MYZAP: variants seen among roughly 807,000 people sequenced by gnomAD.
The protein encoded by MYZAP is myocardial zonula adherens protein, also known as GRINL1A complex locus upstream.
Under a neutral mutation model 69.4 loss-of-function variants are expected in MYZAP, and 66 were observed. That is an observed-to-expected ratio of 0.95 (90% confidence interval 0.78 to 1.17). The LOEUF (loss-of-function observed/expected upper bound fraction) is 1.17. Among genes scored for constraint, MYZAP ranks in the 50% most tolerant of loss-of-function variants. The pLI is 0.00. For synonymous variants in MYZAP, 256 were observed against 205.9 expected (o/e 1.24, Z -2.09); for missense variants, 611 against 556.2 (o/e 1.10, Z -0.99).
intron 2 of MYZAP, among the ~76,000 whole-genome samples, chr15:57,607,075 A>T (rs1487861329): frequency 6.6e-6 from 1 of 152,188 alleles, no homozygotes; most frequent in African/African-American, 2.4e-5. Flanking sequence ...GGTCCAAGAC[A>T]TGGGTCTGGG....
chr15:57,664,452 G>C (rs1449261393), intron 11 of MYZAP, among the ~76,000 whole-genome samples: 1 of 152,168 alleles, frequency 6.6e-6, no homozygotes, highest in Admixed American at 6.5e-5. Flanking sequence ...CAGACTAGCT[G>C]ATCATTTACA....
chr15:57,667,249 A>G (rs944497032), intron 11 of MYZAP, among the ~76,000 whole-genome samples: 2 of 152,216 alleles, frequency 1.3e-5, no homozygotes, highest in Non-Finnish European at 2.9e-5. Flanking sequence ...TATGGAACAC[A>G]CATTCAGTGT....
Position 57,604,133 on chromosome 15 carries a change from C to T in MYZAP, c.76-136C>T, listed in dbSNP as rs1595854919. 4 of 928,024 alleles carry T rather than the reference C, an allele frequency of 4.3e-6. No individual in the cohort carries two copies. In the East Asian group the frequency reaches 7.5e-5, roughly 17 times the overall value. The allele number at this position is 928,024 out of a possible 1,614,324, so 57.5% of individuals were successfully genotyped here. On this transcript the variant is annotated intron_variant, in intron 1 of 12. Coordinates refer to ENST00000267853, the MANE Select transcript of MYZAP (RefSeq NM_001018100.5). ...GAAGGTAAGGCTGGCCTTATCTCCT[C>T]TATGGCTCCTGTATGATCAGGACAG... is the stretch of plus-strand genomic sequence containing the variant.
chr15:57,635,727 C>T (rs1342839003), intron 8 of MYZAP, among the ~76,000 whole-genome samples: 7 of 152,208 alleles, frequency 4.6e-5, no homozygotes, highest in Non-Finnish European at 8.8e-5. Context: ...CTGGCCAAAT[C>T]GCTGTCTCAC....
At chr15:57,663,350 C>A (rs2038405679) in intron 11 of MYZAP, among the ~76,000 whole-genome samples, 1 of 152,162 alleles carries the variant, frequency 6.6e-6, no homozygotes, top group South Asian at 2.1e-4. Flanking sequence ...TCATGTCTCA[C>A]CTTAGTTTGG....
At chr15:57,645,545 A>C (rs187226437) in intron 10 of MYZAP, among the ~76,000 whole-genome samples, 1 of 152,350 alleles carries the variant, frequency 6.6e-6, no homozygotes, top group Admixed American at 6.5e-5. Context: ...AATAGTATCT[A>C]CCCAATTTTT....
At chr15:57,597,534 G>A (rs1325207287) in intron 1 of MYZAP, among the ~76,000 whole-genome samples, 4 of 152,110 alleles carry the variant, frequency 2.6e-5, no homozygotes, top group Non-Finnish European at 4.4e-5. Context: ...GGCAGGGAGG[G>A]GGAGTCCTCG....
At chr15:57,620,443 G>T (rs1188101398) in intron 3 of MYZAP, among the ~76,000 whole-genome samples, 1 of 152,146 alleles carries the variant, frequency 6.6e-6, no homozygotes, top group Middle Eastern at 3.2e-3. Flanking sequence ...CCTATTTGAG[G>T]GTTCCTGAGT....
chr15:57,657,513 G>C (rs1256214256), intron 10 of MYZAP, among the ~76,000 whole-genome samples: 3 of 151,892 alleles, frequency 2.0e-5, no homozygotes, highest in African/African-American at 7.3e-5. Flanking sequence ...ATCCCTTGAG[G>C]CTTTTTGTAA....
intron 12 of MYZAP, among the ~76,000 whole-genome samples, chr15:57,676,640 G>A (rs974672093): frequency 4.8e-4 from 73 of 151,696 alleles, no homozygotes; most frequent in Middle Eastern, 6.8e-3. Flanking sequence ...CACTCTAATT[G>A]CCCACATAAT....
intron 1 of MYZAP, among the ~76,000 whole-genome samples, chr15:57,601,018 C>T (rs2034376726): frequency 1.3e-5 from 2 of 152,236 alleles, no homozygotes; most frequent in African/African-American, 2.4e-5. Flanking sequence ...ATTGAGGCTG[C>T]AGTGCTATGA....
At chr15:57,600,974 G>A (rs1394021496) in intron 1 of MYZAP, among the ~76,000 whole-genome samples, 1 of 152,016 alleles carries the variant, frequency 6.6e-6, no homozygotes, top group African/African-American at 2.4e-5. Context: ...GCTATTTAGG[G>A]GCCTGAGGTC....
At position 57,593,214 on chromosome 15, in the gene MYZAP, A is replaced by ACACC. The variant is rs1172761785; in HGVS notation, c.75+1106_75+1107insACCC. Reference sequence around the variant, plus strand: ...CACACACACACACACACACACACACACCCCAGAATCCATCAGTTGGCTCAT... The same window carrying ACACC: ...CACACACACACACACACACACACACACACCCCCCAGAATCCATCAGTTGGCTCAT... On this transcript the variant is annotated intron_variant, in intron 1 of 12. Transcript: ENST00000267853. Among the ~76,000 whole-genome samples, 690 of 141,430 alleles carry ACACC rather than the reference A, an allele frequency of 4.9e-3. 22 individuals carry two copies. The highest frequency in any genetic ancestry group is 0.017 in the African/African-American group (603 of 35,868). The allele number at this position is 141,430 out of a possible 152,430, so 92.8% of individuals were successfully genotyped here.
At chr15:57,641,424 A>C (rs2037150691) in intron 10 of MYZAP, among the ~76,000 whole-genome samples, 1 of 152,164 alleles carries the variant, frequency 6.6e-6, no homozygotes, top group East Asian at 1.9e-4. Context: ...ATACATATGT[A>C]TATGTGTGTG....
At chr15:57,670,518 T>A (rs1484109799) in intron 11 of MYZAP, among the ~76,000 whole-genome samples, 3 of 152,090 alleles carry the variant, frequency 2.0e-5, no homozygotes, top group African/African-American at 7.2e-5. Flanking sequence ...AGTTGGGACT[T>A]GCTTTTTTAT....
rs2039600998 is a variant in MYZAP at position 57,684,542 on chromosome 15, G to T, written c.*44G>T. On this transcript the variant is annotated 3_prime_UTR_variant, in exon 13 of 13. Transcript: ENST00000267853. The stretch of plus-strand genomic sequence containing the variant: ...TTTTTACAGATGGACAAAAGCTCTG[G>T]AACCCTGTGGCTTCAAATCCTTTGG... 1.6e-6 allele frequency: 2 copies of T among 1,267,582 alleles called. No individual in the cohort carries two copies. Among genetic ancestry groups the T allele is most frequent in the African/African-American group, 1.5e-5 (1 of 66,878 alleles). The allele number at this position is 1,267,582 out of a possible 1,614,324, so 78.5% of individuals were successfully genotyped here. A position where few individuals can be genotyped will look rare whatever the true frequency, so the allele number is the denominator to read the frequency against.
chr15:57,625,784 C>T lies in MYZAP; in HGVS notation c.417C>T (p.Ser139=). 2 of 1,613,990 alleles carry T rather than the reference C, an allele frequency of 1.2e-6. No homozygotes were observed. The highest frequency in any genetic ancestry group is 2.2e-5 in the South Asian group (2 of 91,066). Residue 139 remains serine (S), a synonymous_variant, in exon 5 of 13, where the codon TCC becomes TCT. Transcript: ENST00000267853. ...IRQLTQELSV[S]HAQQEYLENH... is the part of the protein sequence containing the mutation. ...TGTCTCCTCGATCTGTCCAGGTTTC[C>T]CATGCTCAGCAGGAGTATCTGGAGA...
At chr15:57,640,767 G>A (rs930287545) in intron 10 of MYZAP, among the ~76,000 whole-genome samples, 1 of 152,150 alleles carries the variant, frequency 6.6e-6, no homozygotes, top group Non-Finnish European at 1.5e-5. Context: ...ATACTGTGTT[G>A]AATCATGTAC....
intron 10 of MYZAP, among the ~76,000 whole-genome samples, chr15:57,655,272 T>A (rs1478415209): frequency 7.2e-5 from 11 of 152,158 alleles, no homozygotes; most frequent in African/African-American, 2.7e-4. Flanking sequence ...TTCAAAGTCC[T>A]GGAGGCGGGA....
Sources: gnomAD v4.1 joint callset for allele counts (sites outside exome capture counted in the v4.1 genomes callset) on GRCh38, gnomAD v4.1.1 for gene constraint, MANE v1.5 for transcripts, NCBI Gene and HGNC (gene_info 2026-07-23, HGNC 2026-07-21) for gene names.